The following BCAS3 variants were observed in gnomAD, a reference collection of about 807,000 sequenced individuals.
The protein encoded by BCAS3 is BCAS4/BCAS3 fusion.
BCAS3 carries 53 observed loss-of-function variants against 116.1 expected under a neutral mutation model. The observed-to-expected ratio is 0.46, with a 90% CI of 0.37 to 0.57. The LOEUF is 0.57. Ranked by LOEUF, BCAS3 falls within the 20% of genes least tolerant of loss-of-function variation. The probability of loss-of-function intolerance (pLI) is 0.00; values close to 1 mark genes in which losing one functional copy is unlikely to be tolerated. For missense variants in BCAS3, 917 were observed against 1,165.4 expected (o/e 0.79, Z 3.10); for synonymous variants, 391 against 408.2 (o/e 0.96, Z 0.51).
intron 14 of BCAS3, among the ~76,000 whole-genome samples, chr17:60,980,989 A>G (rs2062777093): frequency 6.6e-6 from 1 of 152,034 alleles, no homozygotes. Context: ...ATGTGCCACC[A>G]TGCCAGGCTA....
chr17:61,036,634 C>G (rs2067056935), intron 17 of BCAS3, among the ~76,000 whole-genome samples: 1 of 152,084 alleles, frequency 6.6e-6, no homozygotes, highest in Non-Finnish European at 1.5e-5. Flanking sequence ...ATTGATTCGC[C>G]TGACACAGAG....
chr17:60,922,564 C>G (rs1269029252), intron 12 of BCAS3, among the ~76,000 whole-genome samples: 1 of 152,038 alleles, frequency 6.6e-6, no homozygotes, highest in Non-Finnish European at 1.5e-5. Context: ...ATTGATAGAA[C>G]AACTAGATAG....
chr17:60,729,433 A>AG (rs142343008), intron 5 of BCAS3, among the ~76,000 whole-genome samples: 4,807 of 151,950 alleles, frequency 0.032, 241 homozygotes, highest in African/African-American at 0.1. Flanking sequence ...AAATTGCCCA[A>AG]GGTTTTCCAA....
chr17:60,902,591 T>C, intron 10 of BCAS3, 29 bp from the exon 11 acceptor site: 11 of 1,542,658 alleles, frequency 7.1e-6, no homozygotes, highest in Non-Finnish European at 9.9e-6. Context: ...AGAAATGACG[T>C]TCTGCTTCTC....
intron 22 of BCAS3, among the ~76,000 whole-genome samples, chr17:61,342,133 A>C: frequency 6.6e-6 from 1 of 152,122 alleles, no homozygotes; most frequent in Non-Finnish European, 1.5e-5. Context: ...CCTCCTGAGT[A>C]GCTGGGACTA....
At chr17:61,100,005 T>C (rs1339980224) in intron 22 of BCAS3, among the ~76,000 whole-genome samples, 1 of 152,228 alleles carries the variant, frequency 6.6e-6, no homozygotes, top group Non-Finnish European at 1.5e-5. Flanking sequence ...CATGGTAGAA[T>C]TGACTTCTGT....
rs1382716689 is a variant in BCAS3 at position 61,130,007 on chromosome 17, T to G, written c.2425+45443T>G. Among the ~76,000 whole-genome samples the G allele has an allele frequency of 6.6e-6, 1 of 152,232 alleles. No homozygotes were observed. The highest frequency in any genetic ancestry group is 1.9e-4 in the East Asian group (1 of 5,200). ...ATGATTCTTGTTTTGTAGCTTTTTG[T>G]TTATAAAGGCAATGTTGTATTCCAC... On this transcript the variant is annotated intron_variant, in intron 22 of 23. Transcript: ENST00000407086. The surrounding 1 kb of genome is among the most constrained non-coding windows in gnomAD (Gnocchi z 5.0).
chr17:61,024,774 G>C (rs2066116682), intron 16 of BCAS3, among the ~76,000 whole-genome samples: 1 of 151,828 alleles, frequency 6.6e-6, no homozygotes, highest in Admixed American at 6.6e-5. Context: ...ATGGTCTTTT[G>C]AATTTTTAGA....
chr17:60,814,300 T>TGCGC (rs1216288009), intron 7 of BCAS3, among the ~76,000 whole-genome samples: 58 of 130,492 alleles, frequency 4.4e-4, no homozygotes, highest in African/African-American at 2.0e-3. Flanking sequence ...TGTGTGTGTG[T>TGCGC]GTGTGTGCGC....
intron 23 of BCAS3, among the ~76,000 whole-genome samples, chr17:61,375,044 C>A (rs2059263501): frequency 6.6e-6 from 1 of 152,196 alleles, no homozygotes. Flanking sequence ...AGATTTCTGT[C>A]AGAAGCTACT....
intron 22 of BCAS3, chr17:61,159,345 T>G (rs970311818): frequency 3.9e-5 from 1 of 25,740 alleles, no homozygotes; most frequent in Admixed American, 9.9e-4. Context: ...AAAATGTTCA[T>G]TTTTTTTTTC....
chr17:60,746,253 A>G (rs770489678), intron 5 of BCAS3, among the ~76,000 whole-genome samples: 1 of 152,120 alleles, frequency 6.6e-6, no homozygotes, highest in Non-Finnish European at 1.5e-5. Context: ...TAATCTGTCC[A>G]TTCCCCTTCC....
chr17:61,045,913 TTATA>T (rs1334676564), intron 19 of BCAS3, among the ~76,000 whole-genome samples: 1 of 26,148 alleles, frequency 3.8e-5, no homozygotes, highest in Non-Finnish European at 5.1e-5. Context: ...AAATATATAT[TTATA>T]TATATAATAT....
chr17:60,816,926 C>T (rs2049478241), intron 7 of BCAS3, among the ~76,000 whole-genome samples: 1 of 152,276 alleles, frequency 6.6e-6, no homozygotes, highest in Non-Finnish European at 1.5e-5. Context: ...AGCAGCTGGG[C>T]TTTACGGCTA....
intron 7 of BCAS3, chr17:60,810,985 CAGAT>C: frequency 1.5e-6 from 1 of 665,916 alleles, no homozygotes; most frequent in African/African-American, 1.8e-5. Context: ...CTAGTCTCAG[CAGAT>C]TGAAGAGAGC....
intron 11 of BCAS3, among the ~76,000 whole-genome samples, chr17:60,906,370 C>T (rs2058187856): frequency 6.6e-6 from 1 of 152,242 alleles, no homozygotes; most frequent in African/African-American, 2.4e-5. Flanking sequence ...GAGTGAAGTT[C>T]ACCTGCAATA....
In BCAS3 at chr17:60,709,326, G is replaced by GTAAGTACAC; in HGVS notation, c.321+2_321+10dup. The GTAAGTACAC allele has an allele frequency of 6.5e-7, 1 of 1,549,796 alleles. No homozygotes were observed. The highest frequency in any genetic ancestry group is 1.1e-5 in the South Asian group (1 of 89,532). Reference sequence around the variant, plus strand: ...TGGAATGCAGGTCTGGAGCATCCCTGTAAGTACACATGTGGTTGAATACCT... The same window carrying GTAAGTACAC: ...TGGAATGCAGGTCTGGAGCATCCCTGTAAGTACACTAAGTACACATGTGGTTGAATACCT... On this transcript the variant is annotated splice_donor_variant, in intron 5 of 23. Coordinates refer to ENST00000407086, the MANE Select transcript of BCAS3 (RefSeq NM_017679.5). LOFTEE classifies it high-confidence loss of function.
chr17:61,055,799 A>C (rs936216781), intron 19 of BCAS3, among the ~76,000 whole-genome samples: 8 of 152,056 alleles, frequency 5.3e-5, no homozygotes, highest in Non-Finnish European at 8.8e-5. Flanking sequence ...TTTCTTTCTT[A>C]TTATTCTAGT....
rs2061558296 is a variant in BCAS3, at chr17:60,964,437, A to G, written c.1221+17085A>G. ...AGTGTGTTGTTGAATTCTGTTTGCT[A>G]GTATTTTGTTGAGGATTTTCACATA... On this transcript the variant is annotated intron_variant, in intron 14 of 23. Coordinates refer to ENST00000407086, the MANE Select transcript of BCAS3 (RefSeq NM_017679.5). This position sits in a 1 kb window ranked among gnomAD's most constrained non-coding sequence, Gnocchi z 4.6. Among the ~76,000 whole-genome samples the G allele has an allele frequency of 6.6e-6, 1 of 152,074 alleles. No individual in the cohort carries two copies. Among genetic ancestry groups the G allele is most frequent in the Admixed American group, 6.6e-5 (1 of 15,264 alleles).
Sources: allele counts gnomAD v4.1 joint callset (sites outside exome capture counted in the v4.1 genomes callset), GRCh38; gene constraint gnomAD v4.1.1; non-coding constraint Gnocchi (gnomAD v3.1); transcripts MANE v1.5; gene names NCBI Gene and HGNC (gene_info 2026-07-23, HGNC 2026-07-21).